Variants in CDH1 observed in about 807,000 individuals in gnomAD.
CDH1 encodes cadherin 1.
In CDH1, 35 loss-of-function variants were observed where a neutral mutation model predicts 84.5. The ratio of observed to expected loss-of-function variants is 0.41; its 90% confidence interval spans 0.32 to 0.55. CDH1 has a LOEUF of 0.55. Ranked by LOEUF, CDH1 falls within the 20% of genes least tolerant of loss-of-function variation. CDH1 has a pLI of 0.19. For synonymous variants in CDH1, 417 were observed against 439.0 expected (o/e 0.95, Z 0.63); for missense variants, 994 against 1,126.6 (o/e 0.88, Z 1.68).
chr16:68,829,511 G>C lies in CDH1; in HGVS notation c.2296-143G>C, dbSNP rs1367995755. 6.9e-6 allele frequency: 6 copies of C among 870,896 alleles called. No individual in the cohort carries two copies. The East Asian group carries it at 1.6e-4, about 23-fold the overall frequency. The allele number at this position is 870,896 out of a possible 1,614,324, so 53.9% of individuals were successfully genotyped here. A position where few individuals can be genotyped will look rare whatever the true frequency, so the allele number is the denominator to read the frequency against. ...TTGGGAGACTTTTAGCTTGAAAACTGTCATTTTGCATTAAACTGGTAAAGA... is the reference window on the plus strand; with the variant it reads ...TTGGGAGACTTTTAGCTTGAAAACTCTCATTTTGCATTAAACTGGTAAAGA... On this transcript the variant is annotated intron_variant, in intron 14 of 15. Transcript: ENST00000261769.
intron 2 of CDH1, among the ~76,000 whole-genome samples, chr16:68,763,768 T>G (rs911947739): frequency 1.7e-4 from 26 of 152,234 alleles, no homozygotes; most frequent in African/African-American, 5.8e-4. Flanking sequence ...AAGGAAACAG[T>G]TCTCTGTCTT....
At chr16:68,807,641 ATCACT>A (rs1960700216) in intron 3 of CDH1, among the ~76,000 whole-genome samples, 1 of 152,082 alleles carries the variant, frequency 6.6e-6, no homozygotes, top group South Asian at 2.1e-4. Flanking sequence ...GTGAGCTTTG[ATCACT>A]TCACTGCACT....
intron 2 of CDH1, among the ~76,000 whole-genome samples, chr16:68,790,472 C>T (rs866182758): frequency 1.3e-5 from 2 of 152,164 alleles, no homozygotes; most frequent in African/African-American, 4.8e-5. Flanking sequence ...GCCTCTGTTT[C>T]GGCAGACAGG....
At position 68,811,780 on chromosome 16, in the gene CDH1, A is replaced by G. The variant is rs1291900177; in HGVS notation, c.929A>G (p.Glu310Gly). 2 of 1,614,138 alleles carry G rather than the reference A, an allele frequency of 1.2e-6. No homozygotes were observed. Among genetic ancestry groups the G allele is most frequent in the Admixed American group, 1.7e-5 (1 of 60,016 alleles). The change falls in exon 7 of 16, where the codon GAG becomes GGG. Residue 310 changes from glutamate (E) to glycine (G), a missense_variant. Around this residue, in one of 3 missense-constraint regions of CDH1, gnomAD observed 769 missense variants for 881.8 expected, o/e 0.87. Transcript: ENST00000261769. Reference protein sequence around the residue: ...IAYTILSQDPELPDKNMFTIN... With the variant: ...IAYTILSQDPGLPDKNMFTIN... ...TACACCATCCTCAGCCAAGATCCTG[A>G]GCTCCCTGACAAAAATATGTTCACC...
At chr16:68,786,597 A>T (rs1960058270) in intron 2 of CDH1, among the ~76,000 whole-genome samples, 1 of 125,826 alleles carries the variant, frequency 7.9e-6, no homozygotes, top group South Asian at 2.4e-4. Context: ...TTCATTTCTC[A>T]GGAGCCTGAG....
chr16:68,817,299 G>C (rs1961010960), intron 10 of CDH1, among the ~76,000 whole-genome samples: 2 of 152,224 alleles, frequency 1.3e-5, no homozygotes, highest in Admixed American at 6.5e-5. Context: ...TTCATGACAG[G>C]AGAGGAGGTG....
intron 2 of CDH1, among the ~76,000 whole-genome samples, chr16:68,752,548 A>G (rs1333822681): frequency 2.6e-5 from 3 of 116,084 alleles, no homozygotes; most frequent in Non-Finnish European, 5.9e-5. Context: ...TAATACAGAC[A>G]GGACTAAACA....
chr16:68,739,301 T>C (rs1036711321), intron 2 of CDH1, among the ~76,000 whole-genome samples: 1 of 151,898 alleles, frequency 6.6e-6, no homozygotes, highest in African/African-American at 2.4e-5. Flanking sequence ...CCTGTAATCC[T>C]AGCTACTCAG....
At chr16:68,771,750 CAAAA>C (rs34703363) in intron 2 of CDH1, among the ~76,000 whole-genome samples, 1 of 140,654 alleles carries the variant, frequency 7.1e-6, no homozygotes, top group African/African-American at 2.7e-5. Context: ...GACTCCCTCT[CAAAA>C]AAAAAAAAAA....
intron 2 of CDH1, among the ~76,000 whole-genome samples, chr16:68,794,351 C>T (rs2152124214): frequency 6.6e-6 from 1 of 152,184 alleles, no homozygotes; most frequent in African/African-American, 2.4e-5. Context: ...TGTCCATTAG[C>T]TCTTAGTAGC....
chr16:68,811,061 A>G (rs1184147913), intron 6 of CDH1, among the ~76,000 whole-genome samples: 1 of 151,818 alleles, frequency 6.6e-6, no homozygotes, highest in Non-Finnish European at 1.5e-5. Flanking sequence ...AAAGCCCTAA[A>G]CAATCCCCCT....
At chr16:68,795,747 C>T (rs1293588135) in intron 2 of CDH1, among the ~76,000 whole-genome samples, 5 of 150,926 alleles carry the variant, frequency 3.3e-5, no homozygotes, top group South Asian at 4.2e-4. Flanking sequence ...CCACCTGGCT[C>T]GGCCTCCCAA....
At chr16:68,789,191 A>AT (rs1018284478) in intron 2 of CDH1, among the ~76,000 whole-genome samples, 22 of 151,124 alleles carry the variant, frequency 1.5e-4, no homozygotes, top group South Asian at 6.3e-4. Context: ...TGCCCAGCTA[A>AT]TTTTTTTTTG....
At chr16:68,821,806 A>G (rs1961150339) in intron 11 of CDH1, among the ~76,000 whole-genome samples, 195 bp from the exon 12 acceptor site, 1 of 152,172 alleles carries the variant, frequency 6.6e-6, no homozygotes, top group African/African-American at 2.4e-5. Context: ...TTGTCTGTGT[A>G]AAACGGCCAG....
At chr16:68,797,240 T>C (rs1234993811) in intron 2 of CDH1, among the ~76,000 whole-genome samples, 1 of 151,934 alleles carries the variant, frequency 6.6e-6, no homozygotes, top group Admixed American at 6.6e-5. Flanking sequence ...TAATTAAAAA[T>C]TTGCTGCGGT....
intron 6 of CDH1, among the ~76,000 whole-genome samples, chr16:68,811,352 C>T (rs1049358237): frequency 3.4e-5 from 5 of 146,730 alleles, no homozygotes; most frequent in African/African-American, 7.7e-5. Context: ...AGCCGAATCA[C>T]GCCATTGCAT....
rs1168207802 is a variant in CDH1, at chr16:68,804,923, C to G, written c.387+3030C>G. 2.1e-5 allele frequency among the ~76,000 whole-genome samples: 3 copies of G among 146,188 alleles called. No homozygotes were observed. In the East Asian group the frequency reaches 5.9e-4, roughly 29 times the overall value. On this transcript the variant is annotated intron_variant, in intron 3 of 15. Transcript: ENST00000261769. Reference sequence around the variant, plus strand: ...ACAGCTCACTGCAGCCTTGACCTCCCAGGCTCAAGCAATCCTCCTGCCTCA... The same window carrying G: ...ACAGCTCACTGCAGCCTTGACCTCCGAGGCTCAAGCAATCCTCCTGCCTCA...
chr16:68,766,612 A>C (rs1229875324), intron 2 of CDH1, among the ~76,000 whole-genome samples: 1 of 152,234 alleles, frequency 6.6e-6, no homozygotes, highest in East Asian at 1.9e-4. Context: ...ATAATGGGTA[A>C]ACATAATTGC....
chr16:68,772,362 AGAG>A (rs1959602490), intron 2 of CDH1, among the ~76,000 whole-genome samples: 1 of 152,172 alleles, frequency 6.6e-6, no homozygotes, highest in Non-Finnish European at 1.5e-5. Context: ...AACATATGGG[AGAG>A]ATAGATAAGT....
Sources: gnomAD v4.1 joint callset for allele counts (sites outside exome capture counted in the v4.1 genomes callset) on GRCh38, gnomAD v4.1.1 for gene constraint, gnomAD v4.1.1 regional missense constraint, MANE v1.5 for transcripts, NCBI Gene and HGNC (gene_info 2026-07-23, HGNC 2026-07-21) for gene names.